The following CCDC122 variants were observed in gnomAD, a reference collection of about 807,000 sequenced individuals.
The protein encoded by CCDC122 is coiled-coil domain-containing protein 122.
Under a neutral mutation model 37.0 loss-of-function variants are expected in CCDC122, and 38 were observed. The observed-to-expected ratio is 1.03, with a 90% CI of 0.79 to 1.35. The LOEUF is 1.35. Ranked by LOEUF, CCDC122 falls within the 40% of genes most tolerant of loss-of-function variation. CCDC122 has a pLI of 0.00. For synonymous variants in CCDC122, 83 were observed against 95.6 expected, an observed-to-expected ratio of 0.87 and a Z score of 0.77; for missense variants, 305 against 310.0, an observed-to-expected ratio of 0.98 and a Z score of 0.12.
At chr13:43,854,166 AC>A (rs1210872734) in intron 6 of CCDC122, 1 of 128,018 alleles carries the variant, frequency 7.8e-6, no homozygotes, top group Non-Finnish European at 1.8e-5. Context: ...CAAAAAAAAA[AC>A]CCTTCAAAAA....
chr13:43,856,166 T>G (rs1024614813), intron 6 of CCDC122: 1 of 152,086 alleles, frequency 6.6e-6, no homozygotes. Flanking sequence ...TGAGAACTTA[T>G]GGACACATAG....
intron 6 of CCDC122, among the ~76,000 whole-genome samples, chr13:43,848,218 C>T (rs1953607915): frequency 6.6e-6 from 1 of 152,178 alleles, no homozygotes; most frequent in South Asian, 2.1e-4. Context: ...CTCTTAGCAG[C>T]TCTTAAAGTG....
chr13:43,821,944 T>G (rs1471241973), downstream of CCDC122, among the ~76,000 whole-genome samples: 1 of 152,242 alleles, frequency 6.6e-6, no homozygotes, highest in Non-Finnish European at 1.5e-5. Context: ...TTTTGAGTTT[T>G]CTGTCTGAAA....
At chr13:43,832,129 CAA>C (rs11323501), downstream of CCDC122, among the ~76,000 whole-genome samples, 3,674 of 116,982 alleles carry the variant, frequency 0.031, 60 homozygotes, top group East Asian at 0.085. Context: ...ATTTATCAGC[CAA>C]AAAAAAAAAA....
At position 43,836,995 on chromosome 13, in the gene CCDC122, T is replaced by G. The variant is rs1953185456; in HGVS notation, c.*285A>C. On this transcript the variant is annotated 3_prime_UTR_variant, in exon 7 of 7. Transcript: ENST00000444614. ...TAGTGAATGCAACATAAACAGGTATTCATGAGTATAATACATTTTACACAC... is the reference window on the plus strand; with the variant it reads ...TAGTGAATGCAACATAAACAGGTATGCATGAGTATAATACATTTTACACAC... 2 of 261,318 alleles carry G rather than the reference T, an allele frequency of 7.7e-6. No homozygotes were observed. Among genetic ancestry groups the G allele is most frequent in the South Asian group, 3.0e-4 (2 of 6,612 alleles). 16.2% of individuals were successfully genotyped at this position (261,318 alleles called of 1,614,324 possible). A position where few individuals can be genotyped will look rare whatever the true frequency, so the allele number is the denominator to read the frequency against.
At chr13:43,829,703 T>A (rs185065110) in intron 3 of CCDC122, among the ~76,000 whole-genome samples, 1 of 152,300 alleles carries the variant, frequency 6.6e-6, no homozygotes, top group East Asian at 1.9e-4. Context: ...CCTGTCCATG[T>A]CCCTGTCTTT....
At chr13:43,840,322 T>C (rs1188909673) in intron 6 of CCDC122, among the ~76,000 whole-genome samples, 1 of 152,206 alleles carries the variant, frequency 6.6e-6, no homozygotes, top group Non-Finnish European at 1.5e-5. Context: ...ACAAGTTATC[T>C]ATTCACAGGT....
intron 6 of CCDC122, among the ~76,000 whole-genome samples, chr13:43,839,115 T>G (rs1953263743): frequency 6.6e-6 from 1 of 152,110 alleles, no homozygotes. Context: ...ATGGAAAAAA[T>G]GTATTAGTAG....
downstream of CCDC122, among the ~76,000 whole-genome samples, chr13:43,835,223 CA>C (rs1953133140): frequency 6.6e-6 from 1 of 152,134 alleles, no homozygotes; most frequent in East Asian, 1.9e-4. Flanking sequence ...AAAAACCAAA[CA>C]CCGCGTGTTC....
rs1385059135 is a variant in CCDC122 at position 43,859,814 on chromosome 13, C to T, written c.413G>A (p.Ser138Asn). 6.2e-7 allele frequency: 1 copy of T among 1,609,476 alleles called. No individual in the cohort carries two copies. The highest frequency in any genetic ancestry group is 8.5e-7 in the Non-Finnish European group (1 of 1,178,492). Reference sequence around the variant, plus strand: ...CCATTTGCTCTCTACTTCCCCCAAACTATTTTTATGTGCTTTTATTTTTGC... The same window carrying T: ...CCATTTGCTCTCTACTTCCCCCAAATTATTTTTATGTGCTTTTATTTTTGC... ...YYAKIKAHKNSLGEVESKWSF... is the reference protein window; with the variant it reads ...YYAKIKAHKNNLGEVESKWSF... Residue 138 changes from serine (S) to asparagine (N), a missense_variant, in exon 5 of 7, where the codon AGT becomes AAT. Transcript: ENST00000444614.
At chr13:43,840,251 T>C (rs925007129) in intron 6 of CCDC122, among the ~76,000 whole-genome samples, 1 of 152,226 alleles carries the variant, frequency 6.6e-6, no homozygotes, top group Admixed American at 6.5e-5. Flanking sequence ...AAGTGGCCTC[T>C]CATTACAGTA....
chr13:43,849,767 T>C (rs1594829905), intron 6 of CCDC122, among the ~76,000 whole-genome samples: 1 of 152,198 alleles, frequency 6.6e-6, no homozygotes, highest in African/African-American at 2.4e-5. Context: ...AAAGCCTAAA[T>C]TTCTACCATT....
chr13:43,847,806 G>A (rs940807263), intron 6 of CCDC122, among the ~76,000 whole-genome samples: 9 of 151,992 alleles, frequency 5.9e-5, no homozygotes, highest in Non-Finnish European at 1.3e-4. Flanking sequence ...ACAGGGTCTT[G>A]CTCTGTTGCC....
At chr13:43,825,818 C>T (rs796511702) in intron 3 of CCDC122, among the ~76,000 whole-genome samples, 142 of 144,410 alleles carry the variant, frequency 9.8e-4, no homozygotes, top group African/African-American at 3.3e-3. Flanking sequence ...GGCTGAAAAA[C>T]TTCCTGTTGG....
intron 3 of CCDC122, among the ~76,000 whole-genome samples, chr13:43,825,066 T>C (rs1475857233): frequency 6.6e-6 from 1 of 152,094 alleles, no homozygotes; most frequent in Non-Finnish European, 1.5e-5. Context: ...CAAAGGAAAA[T>C]AAATTGTTCT....
chr13:43,869,390 A>C lies in CCDC122; in HGVS notation c.-14T>G. 1.2e-6 allele frequency: 2 copies of C among 1,603,022 alleles called. No homozygotes were observed. Among genetic ancestry groups the C allele is most frequent in the African/African-American group, 2.7e-5 (2 of 74,588 alleles). ...GTTGTCTGACATTTTCTGTGTCTGT[A>C]ATCTCTTTTCCCCTTTTTGATTTAC... On this transcript the variant is annotated 5_prime_UTR_variant, in exon 3 of 7. The change creates a new upstream start codon in the 5' untranslated region. Coordinates refer to ENST00000444614, the MANE Select transcript of CCDC122 (RefSeq NM_144974.5).
intron 4 of CCDC122, among the ~76,000 whole-genome samples, chr13:43,865,043 A>G (rs1359117748): frequency 2.0e-5 from 3 of 152,112 alleles, no homozygotes; most frequent in African/African-American, 4.8e-5. Flanking sequence ...TGGAGCGCCC[A>G]GAGACAGCAT....
chr13:43,865,840 A>G (rs1594852582), intron 4 of CCDC122, among the ~76,000 whole-genome samples: 1 of 152,196 alleles, frequency 6.6e-6, no homozygotes, highest in East Asian at 1.9e-4. Context: ...ACTTCAGTGT[A>G]TGATTTTTTT....
chr13:43,826,052 TA>T (rs1156231133), intron 3 of CCDC122, among the ~76,000 whole-genome samples: 1 of 152,226 alleles, frequency 6.6e-6, no homozygotes, highest in Non-Finnish European at 1.5e-5. Context: ...AGTCACTCTT[TA>T]AAAAACGCAA....
Sources: allele counts gnomAD v4.1 joint callset (sites outside exome capture counted in the v4.1 genomes callset), GRCh38; gene constraint gnomAD v4.1.1; transcripts MANE v1.5; gene names NCBI Gene and HGNC (gene_info 2026-07-23, HGNC 2026-07-21).